The following SAMMSON variants were observed in gnomAD, a reference collection of about 807,000 sequenced individuals.
SAMMSON encodes survival associated mitochondrial melanoma specific oncogenic non-coding RNA, also known as long intergenic non-protein coding RNA 1212.
Position 70,270,787 on chromosome 3 carries a change from C to A in SAMMSON, n.675-20392C>A, listed in dbSNP as rs1049374924. Among the ~76,000 whole-genome samples the A allele has an allele frequency of 3.9e-5, 6 of 152,106 alleles. No homozygotes were observed. In the East Asian group the frequency reaches 1.2e-3, roughly 29 times the overall value. On this transcript the variant is annotated intron_variant and non_coding_transcript_variant, in intron 6 of 9. Transcript: ENST00000642114. ...ATTCTCAGCAAACTAACACAGGAAC[C>A]AAAAACCAAAAACACAAGTTATCAC...
intron 3 of SAMMSON, among the ~76,000 whole-genome samples, chr3:70,063,376 C>T (rs1330470934): frequency 2.0e-5 from 3 of 152,070 alleles, no homozygotes; most frequent in South Asian, 2.1e-4. Flanking sequence ...CCTTCTGAAC[C>T]GCTTAGCTCT....
chr3:70,191,520 G>C (rs1701131277), intron 4 of SAMMSON, among the ~76,000 whole-genome samples: 1 of 152,198 alleles, frequency 6.6e-6, no homozygotes, highest in Non-Finnish European at 1.5e-5. Flanking sequence ...ATGAGGCAAA[G>C]CTACTGACAT....
intron 4 of SAMMSON, among the ~76,000 whole-genome samples, chr3:70,083,257 C>A (rs1327635490): frequency 1.3e-5 from 2 of 152,102 alleles, no homozygotes. Flanking sequence ...ATTCTGAGGC[C>A]GCATGTGACT....
chr3:70,418,086 A>C (rs1014060946), intron 2 of SAMMSON, among the ~76,000 whole-genome samples: 1 of 152,304 alleles, frequency 6.6e-6, no homozygotes, highest in Non-Finnish European at 1.5e-5. Flanking sequence ...CAATAATCTG[A>C]CCACTAATCT....
At chr3:70,224,259 A>T (rs373289169) in intron 4 of SAMMSON, among the ~76,000 whole-genome samples, 8 of 152,286 alleles carry the variant, frequency 5.3e-5, no homozygotes, top group Admixed American at 3.3e-4. Context: ...CATGCACCTG[A>T]CATGTTGCAC....
intron 4 of SAMMSON, among the ~76,000 whole-genome samples, chr3:70,219,275 A>G (rs1246203980): frequency 6.6e-6 from 1 of 152,318 alleles, no homozygotes; most frequent in Middle Eastern, 3.4e-3. Context: ...TGAACTGAAT[A>G]ATCCAATCAG....
At chr3:70,295,161 G>T (rs1198044276) in intron 7 of SAMMSON, among the ~76,000 whole-genome samples, 1 of 152,146 alleles carries the variant, frequency 6.6e-6, no homozygotes, top group Admixed American at 6.5e-5. Context: ...CCCTGGAAAT[G>T]CATGACTGCC....
intron 3 of SAMMSON, among the ~76,000 whole-genome samples, chr3:70,065,590 C>T (rs1459341810): frequency 2.6e-5 from 4 of 152,028 alleles, no homozygotes; most frequent in Non-Finnish European, 4.4e-5. Flanking sequence ...GAAGTATCCA[C>T]TCTACTGCAA....
At chr3:70,414,098 CTA>C in intron 2 of SAMMSON, among the ~76,000 whole-genome samples, 1 of 152,152 alleles carries the variant, frequency 6.6e-6, no homozygotes, top group East Asian at 1.9e-4. Flanking sequence ...TAACTTGGTT[CTA>C]TTGAGAGGCC....
chr3:70,263,484 C>T (rs1026361668), intron 6 of SAMMSON, among the ~76,000 whole-genome samples: 2 of 152,110 alleles, frequency 1.3e-5, no homozygotes, highest in Admixed American at 6.6e-5. Flanking sequence ...AGATGTTTCT[C>T]CTCTTGGGCT....
rs187921715 is a variant in SAMMSON, at chr3:70,139,994, G to A, written n.507+68429G>A. ...ATTTTTTTTCTAACATGAATAGGCT[G>A]TGAATTGTCTAAATCTTTAAGTTCT... On this transcript the variant is annotated intron_variant and non_coding_transcript_variant, in intron 4 of 9. Transcript: ENST00000642114. Among the ~76,000 whole-genome samples the A allele has an allele frequency of 1.1e-3, 172 of 152,180 alleles. 1 individual carries two copies. Among genetic ancestry groups the A allele is most frequent in the Non-Finnish European group, 1.5e-3 (102 of 68,016 alleles).
At chr3:70,414,365 G>A (rs1171856179) in intron 2 of SAMMSON, among the ~76,000 whole-genome samples, 3 of 152,084 alleles carry the variant, frequency 2.0e-5, no homozygotes, top group Non-Finnish European at 2.9e-5. Flanking sequence ...TTTAGAGTAA[G>A]AGGAAAATAA....
intron 6 of SAMMSON, among the ~76,000 whole-genome samples, chr3:70,275,728 G>A (rs188247145): frequency 1.3e-5 from 2 of 152,116 alleles, no homozygotes; most frequent in Admixed American, 1.3e-4. Context: ...TAAATAAATT[G>A]TGAAGTACAA....
At chr3:70,385,763 C>A (rs1703118515) in intron 9 of SAMMSON, among the ~76,000 whole-genome samples, 1 of 152,084 alleles carries the variant, frequency 6.6e-6, no homozygotes, top group Non-Finnish European at 1.5e-5. Flanking sequence ...TTTCTACATT[C>A]TTGTCCATTA....
chr3:70,317,162 C>A (rs1702501046), intron 7 of SAMMSON, among the ~76,000 whole-genome samples: 1 of 151,970 alleles, frequency 6.6e-6, no homozygotes, highest in South Asian at 2.1e-4. Flanking sequence ...TATTTCACAT[C>A]TACACATGTT....
At chr3:70,368,436 GA>G (rs1575635001) in intron 9 of SAMMSON, among the ~76,000 whole-genome samples, 1 of 151,508 alleles carries the variant, frequency 6.6e-6, no homozygotes, top group South Asian at 2.1e-4. Context: ...TTGCCTGAGT[GA>G]AAAAAATTTG....
At chr3:70,374,255 T>C (rs1248109231) in intron 9 of SAMMSON, among the ~76,000 whole-genome samples, 1 of 152,208 alleles carries the variant, frequency 6.6e-6, no homozygotes, top group African/African-American at 2.4e-5. Flanking sequence ...TATAACATTG[T>C]TGTTGTCTCA....
rs139863222 is a variant in SAMMSON at position 70,058,978 on chromosome 3, G to A, written n.418-12498G>A. 5.5e-3 allele frequency among the ~76,000 whole-genome samples: 834 copies of A among 152,122 alleles called. 6 individuals are homozygous for A. Among genetic ancestry groups the A allele is most frequent in the Middle Eastern group, 0.01 (3 of 294 alleles). ...TCAGCGGGAAGGTATTAATATACCC[G>A]TTTTATAGGTTGAGGAAATCAGGGA... On this transcript the variant is annotated intron_variant and non_coding_transcript_variant, in intron 3 of 9. Transcript: ENST00000642114.
At chr3:70,125,922 C>A in intron 4 of SAMMSON, 2 of 724,778 alleles carry the variant, frequency 2.8e-6, no homozygotes, top group South Asian at 2.9e-5. Flanking sequence ...CGTCTTCTGG[C>A]CAAGGAGGTT....
Sources: allele counts gnomAD v4.1 joint callset (sites outside exome capture counted in the v4.1 genomes callset), GRCh38; gene constraint gnomAD v4.1.1; transcripts MANE v1.5; gene names NCBI Gene and HGNC (gene_info 2026-07-23, HGNC 2026-07-21).